Variants in PTPN4 observed in about 807,000 individuals in gnomAD.
The protein encoded by PTPN4 is protein tyrosine phosphatase non-receptor type 4.
A neutral mutation model predicts 135.5 loss-of-function variants in PTPN4; 49 were observed. The ratio of observed to expected loss-of-function variants is 0.36; its 90% CI spans 0.29 to 0.46. The LOEUF (loss-of-function observed/expected upper bound fraction) is 0.46, where lower values mean the gene tolerates loss of function less well. Ranked by LOEUF, PTPN4 falls within the 20% of genes least tolerant of loss-of-function variation. The pLI, the probability that PTPN4 is intolerant of heterozygous loss-of-function variation, is 1.00. For missense variants in PTPN4, 860 were observed against 1,101.0 expected, an observed-to-expected ratio of 0.78 and a Z score of 3.10; for synonymous variants, 333 against 369.9, an observed-to-expected ratio of 0.90 and a Z score of 1.14.
At chr2:119,893,865 T>G (rs1287024149) in intron 9 of PTPN4, among the ~76,000 whole-genome samples, 1 of 151,782 alleles carries the variant, frequency 6.6e-6, no homozygotes, top group Non-Finnish European at 1.5e-5. Context: ...AGAGCAGTTT[T>G]GGAGGTGCAG....
chr2:119,924,812 TATCAGTCAGAG>T (rs992529216), intron 12 of PTPN4, among the ~76,000 whole-genome samples: 35 of 152,214 alleles, frequency 2.3e-4, no homozygotes, highest in African/African-American at 8.4e-4. Context: ...AAAATTAAGG[TATCAGTCAGAG>T]TTCAGTCAGG....
intron 2 of PTPN4, among the ~76,000 whole-genome samples, chr2:119,816,706 A>T (rs909914616): frequency 2.0e-5 from 3 of 152,158 alleles, no homozygotes; most frequent in African/African-American, 7.2e-5. Context: ...TGTGTTGCTT[A>T]TGTCCAGTCT....
At chr2:119,886,058 G>A (rs1678151212) in intron 9 of PTPN4, among the ~76,000 whole-genome samples, 176 bp downstream of exon 9, 2 of 152,164 alleles carry the variant, frequency 1.3e-5, no homozygotes, top group African/African-American at 2.4e-5. Flanking sequence ...ATTCCCGAAT[G>A]TGAAGGATGG....
chr2:119,950,815 A>T (rs1021266800), intron 18 of PTPN4, among the ~76,000 whole-genome samples: 1 of 152,192 alleles, frequency 6.6e-6, no homozygotes, highest in African/African-American at 2.4e-5. Context: ...ACTTTGTGCT[A>T]TAGTGCAAGA....
intron 10 of PTPN4, among the ~76,000 whole-genome samples, chr2:119,908,970 A>C (rs1678528713): frequency 6.6e-6 from 1 of 152,148 alleles, no homozygotes; most frequent in African/African-American, 2.4e-5. Context: ...ACAAGGCCCT[A>C]ACTCTCTTTA....
intron 10 of PTPN4, among the ~76,000 whole-genome samples, chr2:119,913,995 A>G (rs1416254936): frequency 1.3e-5 from 2 of 152,174 alleles, no homozygotes. Flanking sequence ...ATAAGAAAAT[A>G]AAAGTTATAC....
intron 2 of PTPN4, among the ~76,000 whole-genome samples, chr2:119,830,631 G>A (rs568182409): frequency 1.2e-4 from 18 of 152,130 alleles, no homozygotes; most frequent in East Asian, 5.8e-4. Context: ...ACCACGCCCC[G>A]CTAATTTTTT....
chr2:119,774,138 A>C (rs576111305), intron 1 of PTPN4, among the ~76,000 whole-genome samples: 1 of 152,302 alleles, frequency 6.6e-6, no homozygotes, highest in African/African-American at 2.4e-5. Context: ...GTGGTTCTTG[A>C]GTATTTTTTA....
At chr2:119,875,088 T>C (rs1677965937) in intron 3 of PTPN4, among the ~76,000 whole-genome samples, 1 of 152,234 alleles carries the variant, frequency 6.6e-6, no homozygotes, top group African/African-American at 2.4e-5. Context: ...TTCTTATTCA[T>C]TGCCTGTTTT....
intron 2 of PTPN4, among the ~76,000 whole-genome samples, chr2:119,821,353 A>G (rs1677066227): frequency 6.7e-6 from 1 of 148,358 alleles, no homozygotes; most frequent in South Asian, 2.3e-4. Flanking sequence ...GGCCTCCCAG[A>G]GTGCTGAGAT....
At chr2:119,911,502 C>G (rs1279905604) in intron 10 of PTPN4, among the ~76,000 whole-genome samples, 1 of 152,078 alleles carries the variant, frequency 6.6e-6, no homozygotes, top group Non-Finnish European at 1.5e-5. Context: ...AAGGCACTTT[C>G]TATTTTGATT....
At chr2:119,953,932 C>G (rs1679244701) in intron 19 of PTPN4, among the ~76,000 whole-genome samples, 1 of 152,112 alleles carries the variant, frequency 6.6e-6, no homozygotes, top group Non-Finnish European at 1.5e-5. Flanking sequence ...GAGGAACCCA[C>G]CAGGGTCTAC....
intron 2 of PTPN4, among the ~76,000 whole-genome samples, chr2:119,837,164 G>A (rs540643969): frequency 6.8e-4 from 103 of 152,242 alleles, no homozygotes; most frequent in Admixed American, 2.2e-3. Flanking sequence ...CCCATGGACC[G>A]GTTAGCATGC....
intron 10 of PTPN4, among the ~76,000 whole-genome samples, chr2:119,905,179 C>T (rs1040937595): frequency 1.3e-5 from 2 of 152,000 alleles, no homozygotes; most frequent in African/African-American, 2.4e-5. Context: ...TTTAAGTTCC[C>T]GTTAAAACTT....
chr2:119,830,657 G>A (rs761510944), intron 2 of PTPN4, among the ~76,000 whole-genome samples: 1 of 151,932 alleles, frequency 6.6e-6, no homozygotes, highest in Admixed American at 6.6e-5. Context: ...TAGTAGAGAC[G>A]GGGTTTCACC....
At chr2:119,844,556 GCTC>G (rs1677454039) in intron 2 of PTPN4, among the ~76,000 whole-genome samples, 2 of 146,746 alleles carry the variant, frequency 1.4e-5, no homozygotes, top group South Asian at 4.4e-4. Context: ...GGGCAGAGAC[GCTC>G]CTCACCTCCC....
chr2:119,766,448 G>GCGCA (rs1293114449), intron 1 of PTPN4, among the ~76,000 whole-genome samples: 1 of 71,468 alleles, frequency 1.4e-5, no homozygotes, highest in Non-Finnish European at 3.0e-5. Context: ...GCATGTGCGC[G>GCGCA]CGTGTGTGTG....
intron 20 of PTPN4, among the ~76,000 whole-genome samples, chr2:119,956,317 A>G (rs1332338619): frequency 6.7e-6 from 1 of 150,242 alleles, no homozygotes; most frequent in Admixed American, 6.6e-5. Context: ...ATGTCCAAAC[A>G]ATCCTCCAGC....
At chr2:119,804,090 C>T (rs542514343) in intron 1 of PTPN4, among the ~76,000 whole-genome samples, 1 of 151,984 alleles carries the variant, frequency 6.6e-6, no homozygotes, top group East Asian at 1.9e-4. Context: ...GTACCCCATC[C>T]CCACCCCCAC....
Sources: allele counts gnomAD v4.1 joint callset (sites outside exome capture counted in the v4.1 genomes callset), GRCh38; gene constraint gnomAD v4.1.1; transcripts MANE v1.5; gene names NCBI Gene and HGNC (gene_info 2026-07-23, HGNC 2026-07-21).